The following PRELID2 variants were observed in gnomAD, a reference collection of about 807,000 sequenced individuals.
PRELID2 encodes PRELI domain-containing protein 2.
Under a neutral mutation model 28.4 loss-of-function variants are expected in PRELID2, and 25 were observed. The observed-to-expected ratio is 0.88, with a 90% CI of 0.64 to 1.23. The LOEUF is 1.23. PRELID2 is among the 50% of genes most tolerant of loss of function. The pLI is 0.00. For synonymous variants in PRELID2, 76 were observed against 71.6 expected, an observed-to-expected ratio of 1.06 and a Z score of -0.31; for missense variants, 201 against 214.4, an observed-to-expected ratio of 0.94 and a Z score of 0.39.
chr5:145,403,289 G>T, the PRELID2 span, among the ~76,000 whole-genome samples: 1 of 152,164 alleles, frequency 6.6e-6, no homozygotes, highest in African/African-American at 2.4e-5. Context: ...TGTAACCCCA[G>T]CACTTTGGGA....
chr5:145,771,109 A>G (rs1181684578), intron 5 of PRELID2, among the ~76,000 whole-genome samples: 1 of 152,020 alleles, frequency 6.6e-6, no homozygotes, highest in Non-Finnish European at 1.5e-5. Context: ...TAAGTGTCCT[A>G]TACAGGTATA....
intron 1 of PRELID2, among the ~76,000 whole-genome samples, chr5:145,671,943 C>T (rs1754714778): frequency 6.6e-6 from 1 of 152,108 alleles, no homozygotes; most frequent in Non-Finnish European, 1.5e-5. Context: ...AACTGCAATT[C>T]AGAAACAAAA....
At chr5:145,602,172 G>A (rs1171270765) in intron 1 of PRELID2, among the ~76,000 whole-genome samples, 1 of 152,104 alleles carries the variant, frequency 6.6e-6, no homozygotes, top group Non-Finnish European at 1.5e-5. Flanking sequence ...TAATAGTAAA[G>A]CCCAAGGAGT....
At chr5:145,735,181 G>A (rs1460241308) in intron 1 of PRELID2, among the ~76,000 whole-genome samples, 1 of 150,042 alleles carries the variant, frequency 6.7e-6, no homozygotes, top group Non-Finnish European at 1.5e-5. Flanking sequence ...GGAGGCAGAA[G>A]TTGCAGTGAG....
At chr5:145,572,465 C>T (rs991952193) in intron 1 of PRELID2, among the ~76,000 whole-genome samples, 5 of 152,016 alleles carry the variant, frequency 3.3e-5, no homozygotes, top group African/African-American at 9.7e-5. Context: ...TTAAGGATTA[C>T]CTAAATTAAT....
chr5:145,779,525 G>A (rs1758646154), intron 5 of PRELID2, among the ~76,000 whole-genome samples: 1 of 44,070 alleles, frequency 2.3e-5, no homozygotes, highest in Non-Finnish European at 6.3e-5. Flanking sequence ...TACTGTGAAA[G>A]GGATTATAAA....
intron 1 of PRELID2, among the ~76,000 whole-genome samples, chr5:145,677,596 G>GA (rs2149686903): frequency 6.6e-6 from 1 of 152,328 alleles, no homozygotes; most frequent in East Asian, 1.9e-4. Context: ...GCCAAGAATT[G>GA]ACCATTATTG....
the PRELID2 span, among the ~76,000 whole-genome samples, chr5:145,441,562 T>A: frequency 6.6e-6 from 1 of 152,060 alleles, no homozygotes; most frequent in Non-Finnish European, 1.5e-5. Context: ...TTATCATAAG[T>A]CAGGTCTTAA....
chr5:145,385,055 T>G, the PRELID2 span, among the ~76,000 whole-genome samples: 10 of 152,098 alleles, frequency 6.6e-5, no homozygotes, highest in Non-Finnish European at 1.3e-4. Context: ...TTTTAGAGGG[T>G]CGATAGGAAT....
chr5:145,536,914 G>C (rs1393518725), intron 1 of PRELID2, among the ~76,000 whole-genome samples: 1 of 151,780 alleles, frequency 6.6e-6, no homozygotes, highest in Non-Finnish European at 1.5e-5. Flanking sequence ...TTAAACAGAA[G>C]AAAGTAGAAG....
chr5:145,234,480 C>T, the PRELID2 span, among the ~76,000 whole-genome samples: 1 of 152,210 alleles, frequency 6.6e-6, no homozygotes. Flanking sequence ...CACTAGAGTA[C>T]TTCCTTATAA....
the PRELID2 span, among the ~76,000 whole-genome samples, chr5:145,257,957 G>A: frequency 1.3e-5 from 2 of 152,150 alleles, no homozygotes; most frequent in Admixed American, 1.3e-4. Context: ...TGTCGTGACA[G>A]TAAGTTCTCA....
chr5:145,268,176 G>T, the PRELID2 span, among the ~76,000 whole-genome samples: 1 of 152,074 alleles, frequency 6.6e-6, no homozygotes, highest in African/African-American at 2.4e-5. Flanking sequence ...TTCTTTGGTT[G>T]CCTGTACTTG....
chr5:145,382,245 T>G, the PRELID2 span, among the ~76,000 whole-genome samples: 4 of 151,966 alleles, frequency 2.6e-5, no homozygotes, highest in Non-Finnish European at 5.9e-5. Context: ...GAAAAAAGAT[T>G]AACACATCTT....
At chr5:145,736,519 T>C (rs1202560965) in intron 1 of PRELID2, among the ~76,000 whole-genome samples, 1 of 152,212 alleles carries the variant, frequency 6.6e-6, no homozygotes, top group Non-Finnish European at 1.5e-5. Flanking sequence ...TTCAGACTTG[T>C]TCTTTGATGA....
intron 1 of PRELID2, among the ~76,000 whole-genome samples, chr5:145,690,355 A>C (rs1755123422): frequency 6.6e-6 from 1 of 152,114 alleles, no homozygotes; most frequent in Non-Finnish European, 1.5e-5. Flanking sequence ...TTAGCAGTGG[A>C]ATATATGACA....
intron 1 of PRELID2, among the ~76,000 whole-genome samples, chr5:145,730,997 TAATA>T (rs1282760890): frequency 6.6e-6 from 1 of 152,188 alleles, no homozygotes; most frequent in Non-Finnish European, 1.5e-5. Flanking sequence ...ACCCTAAAAC[TAATA>T]CATACTCTTA....
the PRELID2 span, among the ~76,000 whole-genome samples, chr5:145,261,478 G>A: frequency 6.6e-6 from 1 of 152,142 alleles, no homozygotes; most frequent in African/African-American, 2.4e-5. Flanking sequence ...ATGGCTGAGA[G>A]ACCTGAAGAC....
At chr5:145,240,055 G>A in the PRELID2 span, among the ~76,000 whole-genome samples, 8 of 152,032 alleles carry the variant, frequency 5.3e-5, no homozygotes, top group South Asian at 4.1e-4. Context: ...ACAAGGTTGC[G>A]TCTTTCTTGT....
Sources: allele counts gnomAD v4.1 joint callset (sites outside exome capture counted in the v4.1 genomes callset), GRCh38; gene constraint gnomAD v4.1.1; transcripts MANE v1.5; gene names NCBI Gene and HGNC (gene_info 2026-07-23, HGNC 2026-07-21).